Variants in GABRG3 observed in about 807,000 individuals in gnomAD.
GABRG3 encodes the protein gamma-aminobutyric acid receptor subunit gamma-3.
Under a neutral mutation model 48.8 loss-of-function variants are expected in GABRG3, and 25 were observed. That is an observed-to-expected ratio of 0.51 (90% CI 0.37 to 0.72). The LOEUF is 0.72. Among genes scored for constraint, GABRG3 ranks in the 30% least tolerant of loss-of-function variants. The pLI is 0.00. For synonymous variants in GABRG3, 227 were observed against 217.6 expected (o/e 1.04, Z -0.38); for missense variants, 394 against 577.9 (o/e 0.68, Z 3.26).
At chr15:26,990,532 G>C (rs994134493) in intron 2 of GABRG3, among the ~76,000 whole-genome samples, 1 of 152,094 alleles carries the variant, frequency 6.6e-6, no homozygotes, top group Admixed American at 6.5e-5. Context: ...TTAATCTCTT[G>C]TCAGATGGAT....
intron 6 of GABRG3, among the ~76,000 whole-genome samples, chr15:27,496,749 A>G (rs1348726453): frequency 1.3e-5 from 2 of 152,194 alleles, no homozygotes; most frequent in Non-Finnish European, 2.9e-5. Flanking sequence ...TCTAAAAGGG[A>G]AGACGAGGCC....
chr15:27,239,162 A>G (rs1017652217), intron 3 of GABRG3, among the ~76,000 whole-genome samples: 4 of 152,216 alleles, frequency 2.6e-5, no homozygotes, highest in Admixed American at 6.5e-5. Flanking sequence ...GGATACGAAG[A>G]TGAAGGAAAG....
At chr15:27,133,947 A>G (rs1404175890) in intron 3 of GABRG3, among the ~76,000 whole-genome samples, 1 of 152,204 alleles carries the variant, frequency 6.6e-6, no homozygotes, top group Non-Finnish European at 1.5e-5. Context: ...GGACTTTTTG[A>G]ATTTTATAAT....
chr15:27,422,154 G>T (rs1435296709), intron 5 of GABRG3, among the ~76,000 whole-genome samples: 5 of 151,680 alleles, frequency 3.3e-5, no homozygotes, highest in Admixed American at 6.6e-5. Flanking sequence ...AGATATCCAG[G>T]GGAGTGGGCT....
chr15:27,006,248 T>TTGGAG (rs1347877859), intron 2 of GABRG3, among the ~76,000 whole-genome samples: 1 of 152,068 alleles, frequency 6.6e-6, no homozygotes, highest in African/African-American at 2.4e-5. Context: ...GTCGTCTGGG[T>TTGGAG]TGGAGTGGAG....
chr15:27,474,681 A>G (rs901592784), intron 5 of GABRG3, among the ~76,000 whole-genome samples: 1 of 152,250 alleles, frequency 6.6e-6, no homozygotes, highest in East Asian at 1.9e-4. Context: ...AAGTGTTTCT[A>G]TTAAGTCTTT....
intron 3 of GABRG3, among the ~76,000 whole-genome samples, chr15:27,208,957 A>AG (rs1491474421): frequency 6.6e-6 from 1 of 152,200 alleles, no homozygotes; most frequent in Non-Finnish European, 1.5e-5. Flanking sequence ...TGAAGAAAAA[A>AG]GAGAGCAAGA....
chr15:27,410,873 TG>T (rs1887776848), intron 5 of GABRG3, among the ~76,000 whole-genome samples: 3 of 151,656 alleles, frequency 2.0e-5, no homozygotes, highest in Non-Finnish European at 4.4e-5. Context: ...TGTGTGTGTG[TG>T]TGTGTGTGTG....
intron 3 of GABRG3, among the ~76,000 whole-genome samples, chr15:27,229,949 G>T (rs1889747980): frequency 6.6e-6 from 1 of 152,124 alleles, no homozygotes; most frequent in Admixed American, 6.6e-5. Context: ...GTTGTTGTCA[G>T]TTTGGTAAGA....
At chr15:27,347,027 G>T (rs1218789879) in intron 5 of GABRG3, among the ~76,000 whole-genome samples, 1 of 84,208 alleles carries the variant, frequency 1.2e-5, no homozygotes, top group African/African-American at 4.5e-5. Context: ...GTTTTTTAAA[G>T]CTAGACACAC....
At chr15:27,387,533 T>A (rs1442923793) in intron 5 of GABRG3, among the ~76,000 whole-genome samples, 1 of 152,092 alleles carries the variant, frequency 6.6e-6, no homozygotes, top group African/African-American at 2.4e-5. Context: ...AAGCTTTTTT[T>A]CTGTTAATTC....
chr15:26,977,198 T>C (rs1478394777), intron 2 of GABRG3, 48 bp downstream of exon 2: 1 of 1,564,182 alleles, frequency 6.4e-7, no homozygotes, highest in Non-Finnish European at 8.7e-7. Context: ...GCTGTAGTGA[T>C]ATGAAGTTTT....
chr15:27,037,751 GT>G (rs1331921050), intron 3 of GABRG3, among the ~76,000 whole-genome samples: 8 of 152,178 alleles, frequency 5.3e-5, no homozygotes, highest in Non-Finnish European at 1.0e-4. Context: ...TGTCTTATCT[GT>G]GTTTTACTGT....
chr15:27,528,137 T>A, intron 9 of GABRG3, 145 bp downstream of exon 9: 2 of 670,562 alleles, frequency 3.0e-6, no homozygotes, highest in Non-Finnish European at 5.1e-6. Flanking sequence ...GTGTTTAGTA[T>A]TAGGTTAAAA....
chr15:27,140,225 A>T (rs1340469300), intron 3 of GABRG3, among the ~76,000 whole-genome samples: 1 of 152,110 alleles, frequency 6.6e-6, no homozygotes, highest in East Asian at 1.9e-4. Flanking sequence ...TGGACTTGTG[A>T]CTGGTGGCAA....
intron 3 of GABRG3, among the ~76,000 whole-genome samples, chr15:27,140,182 G>T (rs1187843150): frequency 6.6e-6 from 1 of 152,234 alleles, no homozygotes; most frequent in South Asian, 2.1e-4. Flanking sequence ...ATAGGGGGTT[G>T]TGGGACTCCT....
chr15:27,325,440 T>C (rs201870769), intron 3 of GABRG3, among the ~76,000 whole-genome samples: 1 of 152,212 alleles, frequency 6.6e-6, no homozygotes, highest in Non-Finnish European at 1.5e-5. Context: ...TGCTCCCAGC[T>C]GTTGCTTTCC....
At chr15:27,158,335 G>A (rs1027590781) in intron 3 of GABRG3, 3 of 152,110 alleles carry the variant, frequency 2.0e-5, no homozygotes, top group Non-Finnish European at 4.4e-5. Flanking sequence ...GGTGGGGGTG[G>A]ATGTGTCAAG....
chr15:27,476,632 A>G (rs1051750983), intron 5 of GABRG3, among the ~76,000 whole-genome samples: 3 of 152,170 alleles, frequency 2.0e-5, no homozygotes, highest in Non-Finnish European at 4.4e-5. Flanking sequence ...CAGTGAGTGG[A>G]ACAAAATGAA....
Sources: gnomAD v4.1 joint callset for allele counts (sites outside exome capture counted in the v4.1 genomes callset) on GRCh38, gnomAD v4.1.1 for gene constraint, MANE v1.5 for transcripts, NCBI Gene and HGNC (gene_info 2026-07-23, HGNC 2026-07-21) for gene names.